Variants in CLEC12A observed in about 807,000 individuals in gnomAD.
CLEC12A encodes C-type lectin protein CLL-1.
A neutral mutation model predicts 26.5 loss-of-function variants in CLEC12A; 22 were observed. That is an observed-to-expected ratio of 0.83 (90% CI 0.59 to 1.19). The LOEUF (loss-of-function observed/expected upper bound fraction) is 1.19. CLEC12A is among the 50% of genes most tolerant of loss of function. CLEC12A has a pLI of 0.00. For missense variants in CLEC12A, 353 were observed against 315.6 expected, an observed-to-expected ratio of 1.12 and a Z score of -0.90; for synonymous variants, 119 against 101.9, an observed-to-expected ratio of 1.17 and a Z score of -1.01.
In CLEC12A at chr12:9,979,040, G is replaced by A; in HGVS notation, c.166G>A (p.Gly56Arg). Residue 56 changes from glycine (G) to arginine (R), a missense_variant, in exon 2 of 6, where the codon GGA (glycine) becomes AGA (arginine). Coordinates refer to ENST00000304361, the MANE Select transcript of CLEC12A (RefSeq NM_138337.6). ...LTLLCLLLLIGLGVLASMFHV... is the reference protein window; with the variant it reads ...LTLLCLLLLIRLGVLASMFHV... ...TCTTCTGTGCCTTCTGTTGCTCATTGGATTGGGAGTCTTGGCAAGCATGTG... is the reference window on the plus strand; with the variant it reads ...TCTTCTGTGCCTTCTGTTGCTCATTAGATTGGGAGTCTTGGCAAGCATGTG... 1 of 1,613,770 alleles carries A rather than the reference G, an allele frequency of 6.2e-7. No individual in the cohort carries two copies. The highest frequency in any genetic ancestry group is 8.5e-7 in the Non-Finnish European group (1 of 1,179,740).
chr12:9,973,151 T>C (rs1864192988), intron 1 of CLEC12A, among the ~76,000 whole-genome samples: 1 of 152,194 alleles, frequency 6.6e-6, no homozygotes, highest in African/African-American at 2.4e-5. Flanking sequence ...TCAATGTGTG[T>C]TAATTTTTCC....
chr12:10,005,853 CT>C, the CLEC12A span, among the ~76,000 whole-genome samples: 1 of 152,138 alleles, frequency 6.6e-6, no homozygotes, highest in African/African-American at 2.4e-5. Context: ...TTCATCTTCA[CT>C]TTTCCCTATT....
chr12:9,990,925 T>C (rs1397805677), intron 4 of CLEC12A: 1 of 152,212 alleles, frequency 6.6e-6, no homozygotes, highest in Non-Finnish European at 1.5e-5. Context: ...AGATTTTCAC[T>C]CACTAAAGAC....
At chr12:9,996,363 C>G (rs1169473175), downstream of CLEC12A, among the ~76,000 whole-genome samples, 1 of 152,160 alleles carries the variant, frequency 6.6e-6, no homozygotes, top group Non-Finnish European at 1.5e-5. Flanking sequence ...TCTGCCTAGA[C>G]TAATACAAAT....
chr12:10,002,601 G>C, the CLEC12A span, among the ~76,000 whole-genome samples: 1 of 151,210 alleles, frequency 6.6e-6, no homozygotes, highest in African/African-American at 2.4e-5. Context: ...CGCCACCACG[G>C]CCGGCTAATT....
chr12:9,993,895 A>G (rs949786404), intron 4 of CLEC12A, among the ~76,000 whole-genome samples: 4 of 152,156 alleles, frequency 2.6e-5, no homozygotes, highest in African/African-American at 9.7e-5. Context: ...CTATGTGACA[A>G]AGTTGTTCTA....
intron 1 of CLEC12A, among the ~76,000 whole-genome samples, chr12:9,953,599 C>A (rs1863684962): frequency 6.6e-6 from 1 of 151,222 alleles, no homozygotes; most frequent in Non-Finnish European, 1.5e-5. Flanking sequence ...GGGGTCAGCC[C>A]CCTGCCCGGC....
intron 1 of CLEC12A, among the ~76,000 whole-genome samples, chr12:9,972,052 GT>G (rs869228521): frequency 0.052 from 5,228 of 101,234 alleles, 284 homozygotes; most frequent in African/African-American, 0.15. Context: ...ATGTGTGTGT[GT>G]GTGTGTGTTT....
intron 1 of CLEC12A, among the ~76,000 whole-genome samples, chr12:9,976,930 G>C (rs917160788): frequency 6.6e-6 from 1 of 152,104 alleles, no homozygotes; most frequent in Admixed American, 6.5e-5. Flanking sequence ...TCTCTTGTCT[G>C]CTGCCATATG....
At chr12:9,997,313 A>G (rs1425923689), downstream of CLEC12A, 1 of 1,573,388 alleles carries the variant, frequency 6.4e-7, no homozygotes, top group Non-Finnish European at 8.7e-7. Flanking sequence ...ATAATTTGTA[A>G]TTAGAACCAT....
At chr12:9,961,692 T>C (rs1863831309) in intron 1 of CLEC12A, among the ~76,000 whole-genome samples, 1 of 151,720 alleles carries the variant, frequency 6.6e-6, no homozygotes, top group East Asian at 1.9e-4. Context: ...TTAAAATTTC[T>C]GTTTTTAATA....
At chr12:9,979,655 G>A in intron 3 of CLEC12A, 131 bp downstream of exon 3, 1 of 662,996 alleles carries the variant, frequency 1.5e-6, no homozygotes, top group Non-Finnish European at 2.4e-6. Context: ...AATTACATGT[G>A]GTTGATGGAG....
At chr12:9,996,756 G>A, downstream of CLEC12A, 1 of 1,362,684 alleles carries the variant, frequency 7.3e-7, no homozygotes, top group Non-Finnish European at 1.0e-6. Context: ...AAGATGTTAA[G>A]AAAAATGTAA....
At chr12:9,983,939 C>T (rs1246907273) in intron 5 of CLEC12A, 1 of 192,968 alleles carries the variant, frequency 5.2e-6, no homozygotes, top group African/African-American at 2.4e-5. Context: ...ATGTGTGTGT[C>T]AGGAGAGAGT....
the CLEC12A span, among the ~76,000 whole-genome samples, chr12:10,003,633 G>A: frequency 0.51 from 77,624 of 152,058 alleles, 20,212 homozygotes; most frequent in Non-Finnish European, 0.55. Flanking sequence ...AATGCCAGGC[G>A]TCAGGCATGC....
At chr12:9,955,773 A>G (rs1347235911) in intron 1 of CLEC12A, among the ~76,000 whole-genome samples, 3 of 152,234 alleles carry the variant, frequency 2.0e-5, no homozygotes, top group African/African-American at 4.8e-5. Flanking sequence ...CAAAAGGCAA[A>G]GAAAAACCTC....
intron 1 of CLEC12A, among the ~76,000 whole-genome samples, chr12:9,959,832 C>A (rs1326705152): frequency 6.6e-6 from 1 of 152,182 alleles, no homozygotes; most frequent in East Asian, 1.9e-4. Flanking sequence ...TAGCTCTTAG[C>A]CCCTTTCAAA....
chr12:9,963,399 A>C (rs944441273), intron 1 of CLEC12A, among the ~76,000 whole-genome samples: 3 of 145,810 alleles, frequency 2.1e-5, no homozygotes, highest in African/African-American at 7.4e-5. Context: ...AACTGCAGCT[A>C]AAGAGTCAAC....
chr12:9,954,901 A>C (rs1053353996), intron 1 of CLEC12A, among the ~76,000 whole-genome samples: 2 of 152,184 alleles, frequency 1.3e-5, no homozygotes, highest in Non-Finnish European at 2.9e-5. Context: ...TGGGTTTTAC[A>C]TTTGTCTCTG....
Sources: allele counts gnomAD v4.1 joint callset (sites outside exome capture counted in the v4.1 genomes callset), GRCh38; gene constraint gnomAD v4.1.1; transcripts MANE v1.5; gene names NCBI Gene and HGNC (gene_info 2026-07-23, HGNC 2026-07-21).